HYCC1: variants seen among roughly 807,000 people sequenced by gnomAD.
The protein encoded by HYCC1 is hyccin PI4KA lipid kinase complex subunit 1, also known as hyccin.
the HYCC1 span, among the ~76,000 whole-genome samples, chr7:22,899,480 C>G: frequency 6.6e-6 from 1 of 152,162 alleles, no homozygotes; most frequent in African/African-American, 2.4e-5. Flanking sequence ...CAACCTGTCC[C>G]TCTGCACACA....
chr7:22,991,026 G>A, the HYCC1 span: 32 of 1,439,056 alleles, frequency 2.2e-5, no homozygotes, highest in Non-Finnish European at 3.1e-5. Context: ...AACTTCCTTG[G>A]AATATAATTA....
the HYCC1 span, among the ~76,000 whole-genome samples, chr7:22,948,887 T>G: frequency 6.6e-6 from 1 of 152,058 alleles, no homozygotes; most frequent in African/African-American, 2.4e-5. Flanking sequence ...TGTTTCCAAT[T>G]GCTAACAACT....
the HYCC1 span, among the ~76,000 whole-genome samples, chr7:23,004,755 T>G: frequency 6.6e-6 from 1 of 152,132 alleles, no homozygotes; most frequent in Non-Finnish European, 1.5e-5. Flanking sequence ...AAAAATATAG[T>G]CAACACAAAT....
the HYCC1 span, among the ~76,000 whole-genome samples, chr7:22,905,386 A>ATTTTTTTTTTTTTTTTGT: frequency 2.2e-5 from 1 of 44,466 alleles, no homozygotes; most frequent in African/African-American, 9.1e-5. Flanking sequence ...CTAATTTTGT[A>ATTTTTTTTTTTTTTTTGT]TTTTTTTTTT....
chr7:22,899,129 G>C, the HYCC1 span, among the ~76,000 whole-genome samples: 1 of 152,192 alleles, frequency 6.6e-6, no homozygotes, highest in African/African-American at 2.4e-5. Context: ...GTGGGGAGGG[G>C]CATTTCTGAA....
chr7:22,955,985 C>A, the HYCC1 span, among the ~76,000 whole-genome samples: 1 of 151,554 alleles, frequency 6.6e-6, no homozygotes, highest in Non-Finnish European at 1.5e-5. Flanking sequence ...TAATGATTAA[C>A]TTGAAAAATT....
the HYCC1 span, among the ~76,000 whole-genome samples, chr7:22,933,624 AT>A: frequency 1.3e-5 from 2 of 152,168 alleles, no homozygotes; most frequent in African/African-American, 4.8e-5. Context: ...TTGAAAAAAA[AT>A]CCAGTCTGAC....
chr7:22,939,729 T>A, the HYCC1 span: 13 of 152,282 alleles, frequency 8.5e-5, no homozygotes, highest in East Asian at 1.9e-4. Context: ...CTAAGACCTG[T>A]GTTCAAGGCT....
chr7:22,905,649 A>G, the HYCC1 span, among the ~76,000 whole-genome samples: 7 of 152,134 alleles, frequency 4.6e-5, no homozygotes, highest in African/African-American at 1.7e-4. Flanking sequence ...TCATCCTGTA[A>G]GTTTTTATTT....
At chr7:23,008,211 A>C in the HYCC1 span, among the ~76,000 whole-genome samples, 5 of 152,112 alleles carry the variant, frequency 3.3e-5, no homozygotes, top group African/African-American at 1.2e-4. Context: ...GTTAGAAAAC[A>C]GTATACGAGA....
At chr7:22,987,176 T>C in the HYCC1 span, among the ~76,000 whole-genome samples, 8 of 152,154 alleles carry the variant, frequency 5.3e-5, no homozygotes, top group African/African-American at 1.9e-4. Context: ...TATAAGTAAA[T>C]CTTTGAAAAG....
At chr7:22,926,031 C>T in the HYCC1 span, among the ~76,000 whole-genome samples, 1 of 152,218 alleles carries the variant, frequency 6.6e-6, no homozygotes, top group Admixed American at 6.5e-5. Flanking sequence ...CAATATTCAA[C>T]ATTCTTAAAG....
chr7:22,945,998 C>G, the HYCC1 span: 1 of 1,613,760 alleles, frequency 6.2e-7, no homozygotes, highest in Non-Finnish European at 8.5e-7. Flanking sequence ...AGTTTTGCTT[C>G]CTCCTGACCG....
the HYCC1 span, among the ~76,000 whole-genome samples, chr7:22,990,439 G>C: frequency 2.0e-5 from 3 of 152,148 alleles, no homozygotes; most frequent in Non-Finnish European, 2.9e-5. Flanking sequence ...GATAGTTGCA[G>C]CCCAAACTCT....
the HYCC1 span, among the ~76,000 whole-genome samples, chr7:22,980,064 C>A: frequency 6.6e-6 from 1 of 152,084 alleles, no homozygotes; most frequent in South Asian, 2.1e-4. Flanking sequence ...TCCACTATGA[C>A]CAAAATCACA....
chr7:22,987,715 T>G, the HYCC1 span, among the ~76,000 whole-genome samples: 1 of 151,804 alleles, frequency 6.6e-6, no homozygotes, highest in Non-Finnish European at 1.5e-5. Flanking sequence ...AAAAATCATC[T>G]TCATAAACCA....
chr7:22,993,655 G>A, the HYCC1 span, among the ~76,000 whole-genome samples: 12 of 151,946 alleles, frequency 7.9e-5, no homozygotes, highest in African/African-American at 2.4e-4. Flanking sequence ...GGAAATGTCA[G>A]TTAAAACCCA....
At chr7:22,961,394 T>C in the HYCC1 span, 3 of 858,790 alleles carry the variant, frequency 3.5e-6, no homozygotes, top group South Asian at 1.5e-5. Context: ...TGAGAAACTA[T>C]CTTTACTGAA....
chr7:23,013,538 C>A, the HYCC1 span, among the ~76,000 whole-genome samples: 2 of 152,144 alleles, frequency 1.3e-5, no homozygotes, highest in Non-Finnish European at 2.9e-5. Context: ...CAGGCCCACC[C>A]GGCAGAGGGG....
Sources: allele counts gnomAD v4.1 joint callset (sites outside exome capture counted in the v4.1 genomes callset), GRCh38; gene constraint gnomAD v4.1.1; transcripts MANE v1.5; gene names NCBI Gene and HGNC (gene_info 2026-07-23, HGNC 2026-07-21).